COQ2: variants seen among roughly 807,000 people sequenced by gnomAD.
COQ2 encodes coenzyme Q2, polyprenyltransferase, also known as 4-hydroxybenzoate polyprenyltransferase, mitochondrial.
COQ2 carries 25 observed loss-of-function variants against 35.7 expected under a neutral mutation model. The ratio of observed to expected loss-of-function variants is 0.70; its 90% CI spans 0.51 to 0.98. The LOEUF (loss-of-function observed/expected upper bound fraction) is 0.98, where lower values mean the gene tolerates loss of function less well. Ranked by LOEUF, COQ2 falls within the 50% of genes least tolerant of loss-of-function variation. The pLI is 0.00. For synonymous variants in COQ2, 206 were observed against 186.2 expected (o/e 1.11, Z -0.86); for missense variants, 488 against 473.5 (o/e 1.03, Z -0.28).
intron 1 of COQ2, among the ~76,000 whole-genome samples, chr4:83,280,183 A>G (rs1034918025): frequency 1.3e-5 from 2 of 152,214 alleles, no homozygotes; most frequent in Non-Finnish European, 2.9e-5. Context: ...TTAGTACTTA[A>G]CCAATAAACT....
rs863223935 is a variant in COQ2 at position 83,284,538 on chromosome 4, C to T, written c.227G>A (p.Arg76His). ...SAPRPLQPYL[R>H]LMRLDKPIGT... Reference sequence around the variant, plus strand: ...AATGGGCTTGTCCAACCGCATGAGGCGCAAGTACGGCTGCAGGGGGCGGGG... The same window carrying T: ...AATGGGCTTGTCCAACCGCATGAGGTGCAAGTACGGCTGCAGGGGGCGGGG... The change falls in exon 1 of 7, where the codon CGC becomes CAC. Residue 76 changes from arginine (R) to histidine (H), a missense_variant. Physicochemically the swap from Arg to His is conservative, Grantham distance 29. Coordinates refer to ENST00000647002, the MANE Select transcript of COQ2 (RefSeq NM_001358921.2). 6.3e-7 allele frequency: 1 copy of T among 1,575,848 alleles called. No individual in the cohort carries two copies. Among genetic ancestry groups the T allele is most frequent in the Non-Finnish European group, 8.6e-7 (1 of 1,162,550 alleles).
chr4:83,267,912 G>C, intron 5 of COQ2, 138 bp from the exon 6 acceptor site: 1 of 673,316 alleles, frequency 1.5e-6, no homozygotes. Flanking sequence ...ACTACTTTCA[G>C]AAGAAATTGT....
intron 6 of COQ2, chr4:83,267,233 C>T (rs1734940090): frequency 6.6e-6 from 3 of 453,504 alleles, no homozygotes; most frequent in South Asian, 4.7e-5. Context: ...AAAAATTAGC[C>T]AGGCATGGTG....
intron 4 of COQ2, among the ~76,000 whole-genome samples, chr4:83,271,334 G>A (rs1447548218): frequency 1.3e-5 from 2 of 152,168 alleles, no homozygotes; most frequent in African/African-American, 4.8e-5. Flanking sequence ...TCCTATGGTA[G>A]CCCAGAAGAG....
chr4:83,275,605 T>C (rs1735146966), intron 2 of COQ2, among the ~76,000 whole-genome samples: 2 of 152,008 alleles, frequency 1.3e-5, no homozygotes, highest in Admixed American at 6.6e-5. Flanking sequence ...GTTTTATGTA[T>C]AATCTCCAGG....
chr4:83,284,146 C>T, intron 1 of COQ2: 1 of 985,460 alleles, frequency 1.0e-6, no homozygotes, highest in African/African-American at 1.7e-5. Context: ...AGAACGGAAC[C>T]TTCCGCTTGA....
rs758847245 is a variant in COQ2 at position 83,267,696 on chromosome 4, C to T, written c.841G>A (p.Gly281Ser). 15 of 1,556,254 alleles carry T rather than the reference C, an allele frequency of 9.6e-6. No individual in the cohort carries two copies. In the African/African-American group the frequency reaches 1.2e-4, roughly 13 times the overall value. The change falls in exon 6 of 7, where the codon GGC becomes AGC. Residue 281 changes from glycine to serine, a missense_variant. Gly to Ser is a moderately conservative substitution (Grantham distance 56). Coordinates refer to ENST00000647002, the MANE Select transcript of COQ2 (RefSeq NM_001358921.2). ...FGENTKPWLSGFSVAMLGALS... is the reference protein window; with the variant it reads ...FGENTKPWLSSFSVAMLGALS... Reference sequence around the variant, plus strand: ...GCCCCCAGCATTGCAACACTGAAGCCGCTGAGCCACGGCTTGGTATTTTCT... The same window carrying T: ...GCCCCCAGCATTGCAACACTGAAGCTGCTGAGCCACGGCTTGGTATTTTCT...
intron 3 of COQ2, 110 bp from the exon 4 acceptor site, chr4:83,272,282 T>C (rs1386233265): frequency 3.6e-6 from 2 of 561,652 alleles, no homozygotes; most frequent in Non-Finnish European, 6.1e-6. Flanking sequence ...ATATTTTATC[T>C]TAAATTATAT....
intron 2 of COQ2, among the ~76,000 whole-genome samples, chr4:83,276,051 T>A (rs75567285): frequency 1.3e-4 from 2 of 15,958 alleles, no homozygotes; most frequent in Non-Finnish European, 5.8e-4. Context: ...AAAATATATA[T>A]TATATATAAT....
chr4:83,269,727 C>A, intron 5 of COQ2, 133 bp downstream of exon 5: 1 of 821,316 alleles, frequency 1.2e-6, no homozygotes, highest in Non-Finnish European at 1.8e-6. Context: ...AAAAAAAATT[C>A]TTCCTCCTTA....
At chr4:83,264,633 CTA>C (rs775580201) in intron 6 of COQ2, among the ~76,000 whole-genome samples, 1 of 151,622 alleles carries the variant, frequency 6.6e-6, no homozygotes, top group Non-Finnish European at 1.5e-5. Flanking sequence ...GAGTGAGACT[CTA>C]TCTCAAAAAA....
intron 1 of COQ2, chr4:83,283,332 T>C: frequency 1.0e-6 from 1 of 985,442 alleles, no homozygotes; most frequent in Non-Finnish European, 1.2e-6. Flanking sequence ...CCTTCACTTC[T>C]TCCTCCACGC....
chr4:83,279,190 A>G, intron 1 of COQ2, 76 bp from the exon 2 acceptor site: 1 of 1,436,414 alleles, frequency 7.0e-7, no homozygotes, highest in Non-Finnish European at 9.2e-7. Context: ...AACATCACAT[A>G]CCAAAGAAAT....
rs1369005274 is a variant in COQ2 at position 83,279,105 on chromosome 4, A to C, written c.263T>G (p.Leu88Arg). 6.4e-7 allele frequency: 1 copy of C among 1,560,168 alleles called. No homozygotes were observed. The highest frequency in any genetic ancestry group is 2.3e-5 in the East Asian group (1 of 43,270). Reference sequence around the variant, plus strand: ...GCTCCAGGTACATGGTAAATACAGAAGCCAGGTTCCTAAGCAAAAATAAAA... The same window carrying C: ...GCTCCAGGTACATGGTAAATACAGACGCCAGGTTCCTAAGCAAAAATAAAA... ...MRLDKPIGTWLLYLPCTWSIG... is the reference protein window; with the variant it reads ...MRLDKPIGTWRLYLPCTWSIG... Residue 88 changes from leucine to arginine, a missense_variant, in exon 2 of 7, where the codon CTT becomes CGT. Physicochemically the swap from Leu to Arg is moderately radical, Grantham distance 102. Coordinates refer to ENST00000647002, the MANE Select transcript of COQ2 (RefSeq NM_001358921.2).
At chr4:83,282,977 C>T (rs540051524) in intron 1 of COQ2, among the ~76,000 whole-genome samples, 123 of 152,314 alleles carry the variant, frequency 8.1e-4, no homozygotes, top group African/African-American at 2.7e-3. Flanking sequence ...CTCCATGCCA[C>T]AGACTCCAAG....
At chr4:83,283,429 T>A in intron 1 of COQ2, 1 of 985,464 alleles carries the variant, frequency 1.0e-6, no homozygotes, top group Non-Finnish European at 1.2e-6. Context: ...CTCGTATTCT[T>A]AGTGTTCTAA....
intron 4 of COQ2, among the ~76,000 whole-genome samples, chr4:83,270,903 T>C (rs1560493008): frequency 6.6e-6 from 1 of 152,190 alleles, no homozygotes; most frequent in South Asian, 2.1e-4. Context: ...TATTATCTTA[T>C]AGATAGGAAA....
chr4:83,279,110 G>C lies in COQ2; in HGVS notation c.258C>G (p.Thr86=). 1 of 1,551,558 alleles carries C rather than the reference G, an allele frequency of 6.4e-7. No individual in the cohort carries two copies. Among genetic ancestry groups the C allele is most frequent in the African/African-American group, 1.4e-5 (1 of 72,392 alleles). ...RLMRLDKPIG[T]WLLYLPCTWS... is the part of the protein sequence containing the mutation. ...AGGTACATGGTAAATACAGAAGCCA[G>C]GTTCCTAAGCAAAAATAAAAAGACA... Residue 86 remains threonine (T), a synonymous_variant, in exon 2 of 7, where the codon ACC becomes ACG. Coordinates refer to ENST00000647002, the MANE Select transcript of COQ2 (RefSeq NM_001358921.2).
At position 83,279,001 on chromosome 4, in the gene COQ2, G is replaced by A. The variant is rs758103492; in HGVS notation, c.367C>T (p.Arg123Cys). ...SLFGTGAILM[R>C]GAGCTINDMW... is the part of the protein sequence containing the mutation. ...TCATTAATAGTACAGCCTGCTCCAC[G>A]CATCAGAATAGCTCCAGTGCCAAAG... The change falls in exon 2 of 7, where the codon CGT becomes TGT. Residue 123 changes from arginine to cysteine, a missense_variant. Arg to Cys is a radical substitution (Grantham distance 180). Coordinates refer to ENST00000647002, the MANE Select transcript of COQ2 (RefSeq NM_001358921.2). 1.9e-6 allele frequency: 3 copies of A among 1,608,454 alleles called. No homozygotes were observed. The highest frequency in any genetic ancestry group is 2.2e-5 in the East Asian group (1 of 44,670).
Sources: allele counts gnomAD v4.1 joint callset (sites outside exome capture counted in the v4.1 genomes callset), GRCh38; gene constraint gnomAD v4.1.1; transcripts MANE v1.5; gene names NCBI Gene and HGNC (gene_info 2026-07-23, HGNC 2026-07-21).